The following INPP4B variants were observed in gnomAD, a reference collection of about 807,000 sequenced individuals.
The protein encoded by INPP4B is inositol polyphosphate 4-phosphatase type II.
INPP4B carries 55 observed loss-of-function variants against 122.5 expected under a neutral mutation model. The ratio of observed to expected loss-of-function variants is 0.45; its 90% confidence interval spans 0.36 to 0.56. The LOEUF (loss-of-function observed/expected upper bound fraction) is 0.56, where lower values mean the gene tolerates loss of function less well. Ranked by LOEUF, INPP4B falls within the 20% of genes least tolerant of loss-of-function variation. The pLI, the probability that INPP4B is intolerant of heterozygous loss-of-function variation, is 0.00. For synonymous variants in INPP4B, 403 were observed against 388.7 expected, an observed-to-expected ratio of 1.04 and a Z score of -0.43; for missense variants, 1,000 against 1,097.7, an observed-to-expected ratio of 0.91 and a Z score of 1.26.
intron 10 of INPP4B, 78 bp from the exon 11 acceptor site, chr4:142,260,642 C>T: frequency 1.0e-6 from 1 of 964,278 alleles, no homozygotes; most frequent in Non-Finnish European, 1.6e-6. Context: ...ATTTGCAAAA[C>T]ATAAGGCTAT....
At chr4:142,361,621 G>A (rs1176123436) in intron 7 of INPP4B, among the ~76,000 whole-genome samples, 1 of 151,752 alleles carries the variant, frequency 6.6e-6, no homozygotes, top group Non-Finnish European at 1.5e-5. Flanking sequence ...TATAAAATTA[G>A]GTTCTTTATT....
chr4:142,061,758 T>A (rs1760743624), intron 25 of INPP4B, among the ~76,000 whole-genome samples: 1 of 151,090 alleles, frequency 6.6e-6, no homozygotes, highest in Non-Finnish European at 1.5e-5. Flanking sequence ...TAAAGAATTT[T>A]TATATATTGT....
intron 25 of INPP4B, among the ~76,000 whole-genome samples, chr4:142,077,958 C>A (rs368034210): frequency 1.5e-4 from 22 of 148,624 alleles, no homozygotes; most frequent in South Asian, 2.1e-4. Flanking sequence ...CCTTTAACAA[C>A]AAAAAAAAAA....
At chr4:142,332,763 G>C (rs961965740) in intron 7 of INPP4B, among the ~76,000 whole-genome samples, 1 of 151,646 alleles carries the variant, frequency 6.6e-6, no homozygotes, top group South Asian at 2.1e-4. Flanking sequence ...CCAGCACTTT[G>C]GGAGGCCAAG....
chr4:142,280,463 T>C (rs2150766254), intron 9 of INPP4B, among the ~76,000 whole-genome samples: 1 of 152,118 alleles, frequency 6.6e-6, no homozygotes, highest in South Asian at 2.1e-4. Context: ...TACAATTCAA[T>C]TTATTCAATT....
chr4:142,192,455 G>T (rs1326236451), intron 15 of INPP4B, among the ~76,000 whole-genome samples: 2 of 151,038 alleles, frequency 1.3e-5, no homozygotes, highest in Admixed American at 6.6e-5. Context: ...CATAGCCAGA[G>T]AATATTATAG....
At position 142,452,933 on chromosome 4, in the gene INPP4B, C is replaced by T. The variant is rs755209484; in HGVS notation, c.-127+9730G>A. The stretch of plus-strand genomic sequence containing the variant: ...GTTTAAAAAAAAAATGGAACACGAG[C>T]ATTATATAACAGTTTGCTGGATGGA... On this transcript the variant is annotated intron_variant, in intron 3 of 25. Coordinates refer to ENST00000262992, the MANE Select transcript of INPP4B (RefSeq NM_001101669.3). 5.3e-4 allele frequency among the ~76,000 whole-genome samples: 80 copies of T among 152,114 alleles called. 1 individual carries two copies. The highest frequency in any genetic ancestry group is 4.6e-4 in the Admixed American group (7 of 15,274).
chr4:142,788,870 A>G (rs1279821374), intron 1 of INPP4B, among the ~76,000 whole-genome samples: 1 of 152,144 alleles, frequency 6.6e-6, no homozygotes, highest in Non-Finnish European at 1.5e-5. Flanking sequence ...TTTTTGATCA[A>G]AAAGATAATC....
At chr4:142,835,186 G>A (rs1782632078) in intron 1 of INPP4B, among the ~76,000 whole-genome samples, 1 of 152,108 alleles carries the variant, frequency 6.6e-6, no homozygotes, top group African/African-American at 2.4e-5. Flanking sequence ...CAACACAGCT[G>A]GAATTGAGGA....
chr4:142,233,736 A>G (rs2149891379), intron 12 of INPP4B, among the ~76,000 whole-genome samples: 1 of 152,310 alleles, frequency 6.6e-6, no homozygotes, highest in South Asian at 2.1e-4. Context: ...GTTCTTTTAC[A>G]GGACAATTTC....
intron 21 of INPP4B, among the ~76,000 whole-genome samples, chr4:142,116,589 A>T (rs1793600143): frequency 6.6e-6 from 1 of 152,206 alleles, no homozygotes; most frequent in Admixed American, 6.5e-5. Context: ...ATGAAAGCAG[A>T]AATAAAGATG....
intron 2 of INPP4B, among the ~76,000 whole-genome samples, chr4:142,477,706 C>T (rs1400375039): frequency 3.9e-5 from 6 of 152,096 alleles, no homozygotes; most frequent in Non-Finnish European, 8.8e-5. Flanking sequence ...TGGAAACATA[C>T]AGCTTCCAAG....
rs1561601042 is a variant in INPP4B at position 142,246,031 on chromosome 4, C to CATTATATATAT, written c.689-8021_689-8020insATATATATAAT. On this transcript the variant is annotated intron_variant, in intron 11 of 25. Transcript: ENST00000262992. ...ATACACACATGTGTGTATGTACACA[C>CATTATATATAT]ACGTGTGTGTATACACACATTATAT... is the stretch of plus-strand genomic sequence containing the variant. Among the ~76,000 whole-genome samples, 122 of 132,276 alleles carry CATTATATATAT rather than the reference C, an allele frequency of 9.2e-4. 12 individuals carry two copies. The highest frequency in any genetic ancestry group is 3.6e-3 in the African/African-American group (118 of 32,806). 86.8% of individuals were successfully genotyped at this position (132,276 alleles called of 152,430 possible).
At chr4:142,139,491 G>C (rs1439715801) in intron 18 of INPP4B, among the ~76,000 whole-genome samples, 1 of 152,070 alleles carries the variant, frequency 6.6e-6, no homozygotes, top group East Asian at 1.9e-4. Context: ...ATTTTTAATA[G>C]AGATGGGGTT....
rs567608628 is a variant in INPP4B, at chr4:142,390,320, A to C, written c.372+12618T>G. ...GAATAAACTATCAGAAAAAGAAGGG[A>C]AAGGCAAGAGTTTGGAAAGCGGAGT... On this transcript the variant is annotated intron_variant, in intron 7 of 25. Transcript: ENST00000262992. Among the ~76,000 whole-genome samples, 44 of 152,298 alleles carry C rather than the reference A, an allele frequency of 2.9e-4. No homozygotes were observed. The South Asian group carries it at 9.1e-3, about 32-fold the overall frequency.
chr4:142,112,648 T>C lies in INPP4B; in HGVS notation c.2170A>G (p.Arg724Gly), dbSNP rs189513041. The change falls in exon 22 of 26, where the codon AGA (arginine) becomes GGA (glycine). Residue 724 changes from arginine (R) to glycine (G), a missense_variant. Arg to Gly is a moderately radical substitution (Grantham distance 125). Transcript: ENST00000262992. ...TGTAGAGGTAGTGACTCAAACATTC[T>C]GGCTGGAAGCTTGACCTCTACCACG... is the stretch of plus-strand genomic sequence containing the variant. Reference protein sequence around the residue: ...HYVVEVKLPARMFESLPLQIK... With the variant: ...HYVVEVKLPAGMFESLPLQIK... 5 of 1,613,034 alleles carry C rather than the reference T, an allele frequency of 3.1e-6. No homozygotes were observed. The Admixed American group carries it at 5.0e-5, about 16-fold the overall frequency.
rs529186844 is a variant in INPP4B at position 142,597,315 on chromosome 4, GAACT to G, written c.-191+128520_-191+128523del. Among the ~76,000 whole-genome samples, 366 of 152,338 alleles carry G rather than the reference GAACT, an allele frequency of 2.4e-3. 2 individuals carry two copies. The highest frequency in any genetic ancestry group is 7.5e-3 in the African/African-American group (313 of 41,584). ...ACACATGGACAACAATGAACTAACA[GAACT>G]ATCTTAACTATGTGGATCAACGGTG... On this transcript the variant is annotated intron_variant, in intron 2 of 25. Coordinates refer to ENST00000262992, the MANE Select transcript of INPP4B (RefSeq NM_001101669.3).
chr4:142,365,939 A>G (rs1362333255), intron 7 of INPP4B, among the ~76,000 whole-genome samples: 1 of 152,136 alleles, frequency 6.6e-6, no homozygotes, highest in Non-Finnish European at 1.5e-5. Context: ...AAATGGTGGT[A>G]AAGTGTTGGG....
intron 12 of INPP4B, among the ~76,000 whole-genome samples, chr4:142,219,691 G>A (rs2149683442): frequency 1.3e-5 from 2 of 152,292 alleles, no homozygotes; most frequent in Middle Eastern, 3.4e-3. Flanking sequence ...CACAATTTCA[G>A]AAATAGAGAA....
Sources: allele counts gnomAD v4.1 joint callset (sites outside exome capture counted in the v4.1 genomes callset), GRCh38; gene constraint gnomAD v4.1.1; transcripts MANE v1.5; gene names NCBI Gene and HGNC (gene_info 2026-07-23, HGNC 2026-07-21).